Variants in MIER1 observed in about 807,000 individuals in gnomAD.
MIER1 encodes the protein mesoderm induction early response protein 1.
In MIER1, 40 loss-of-function variants were observed where a neutral mutation model predicts 75.7. The ratio of observed to expected loss-of-function variants is 0.53; its 90% confidence interval spans 0.41 to 0.69. MIER1 has a LOEUF of 0.69. Ranked by LOEUF, MIER1 falls within the 30% of genes least tolerant of loss-of-function variation. The pLI is 0.00. For missense variants in MIER1, 574 were observed against 680.2 expected (o/e 0.84, Z 1.74); for synonymous variants, 213 against 223.4 (o/e 0.95, Z 0.42).
intron 4 of MIER1, among the ~76,000 whole-genome samples, chr1:66,949,489 A>G (rs1658425858): frequency 6.6e-6 from 1 of 152,216 alleles, no homozygotes; most frequent in South Asian, 2.1e-4. Flanking sequence ...AAAAAAAGAC[A>G]GTTGAACCAA....
chr1:66,950,651 ATAAT>A (rs1470836667), intron 4 of MIER1, among the ~76,000 whole-genome samples: 4 of 151,726 alleles, frequency 2.6e-5, no homozygotes, highest in African/African-American at 7.2e-5. Context: ...GAGCTAGAGA[ATAAT>A]TAAAATGTGT....
chr1:66,957,120 CAT>C (rs1318866725), intron 4 of MIER1, among the ~76,000 whole-genome samples: 20 of 152,144 alleles, frequency 1.3e-4, no homozygotes, highest in Admixed American at 1.3e-3. Flanking sequence ...AATATGTTCA[CAT>C]GATTTGGATT....
chr1:66,957,100 A>C (rs1660291835), intron 4 of MIER1, among the ~76,000 whole-genome samples: 1 of 152,146 alleles, frequency 6.6e-6, no homozygotes, highest in Non-Finnish European at 1.5e-5. Flanking sequence ...GTGGGTGTGC[A>C]TGAGTGTATA....
intron 8 of MIER1, among the ~76,000 whole-genome samples, chr1:66,964,207 G>A (rs1661859620): frequency 6.6e-6 from 1 of 150,846 alleles, no homozygotes; most frequent in Non-Finnish European, 1.5e-5. Flanking sequence ...GAGTAGCTGG[G>A]ATTACAGGTG....
chr1:66,954,304 C>T lies in MIER1; in HGVS notation c.340-3755C>T, dbSNP rs145258882. Reference sequence around the variant, plus strand: ...CCAGAGTGTCAGTAACTATTCAGTACGCTCAAATTGAGTCAGGAGTATAAC... The same window carrying T: ...CCAGAGTGTCAGTAACTATTCAGTATGCTCAAATTGAGTCAGGAGTATAAC... On this transcript the variant is annotated intron_variant, in intron 4 of 13. Coordinates refer to ENST00000401041, the MANE Select transcript of MIER1 (RefSeq NM_001077700.3). Among the ~76,000 whole-genome samples, 9 of 152,264 alleles carry T rather than the reference C, an allele frequency of 5.9e-5. No individual in the cohort carries two copies. The East Asian group carries it at 1.5e-3, about 26-fold the overall frequency.
chr1:66,974,763 T>C (rs557709102), intron 11 of MIER1, among the ~76,000 whole-genome samples: 1 of 152,286 alleles, frequency 6.6e-6, no homozygotes, highest in East Asian at 1.9e-4. Flanking sequence ...AGGACAGTAA[T>C]TCTTTAAAAG....
rs969221724 is a variant in MIER1 at position 66,988,316 on chromosome 1, C to T, written c.*3416C>T. 3 of 152,170 alleles carry T rather than the reference C, an allele frequency of 2.0e-5. No homozygotes were observed. Among genetic ancestry groups the T allele is most frequent in the African/African-American group, 7.2e-5 (3 of 41,404 alleles). The allele number at this position is 152,170 out of a possible 1,614,324, so 9.4% of individuals were successfully genotyped here. The stretch of plus-strand genomic sequence containing the variant: ...TAATTCTACTGATACAACTTTTTAC[C>T]GTAAAAATTAACTCTCTTCTTTAAT... On this transcript the variant is annotated 3_prime_UTR_variant, in exon 14 of 14. Coordinates refer to ENST00000401041, the MANE Select transcript of MIER1 (RefSeq NM_001077700.3).
chr1:66,982,655 A>G (rs979745872), intron 13 of MIER1, among the ~76,000 whole-genome samples: 1 of 152,224 alleles, frequency 6.6e-6, no homozygotes, highest in Non-Finnish European at 1.5e-5. Flanking sequence ...ATAGGAGAGT[A>G]CCAGTGAAGA....
intron 8 of MIER1, among the ~76,000 whole-genome samples, chr1:66,969,288 G>T (rs1486239838): frequency 6.6e-6 from 1 of 152,014 alleles, no homozygotes; most frequent in African/African-American, 2.4e-5. Context: ...GCTCACACCT[G>T]TAATCCCAGC....
intron 2 of MIER1, among the ~76,000 whole-genome samples, 160 bp downstream of exon 2, chr1:66,926,402 A>G (rs893164006): frequency 6.6e-6 from 1 of 152,238 alleles, no homozygotes; most frequent in Non-Finnish European, 1.5e-5. Context: ...TCATCAATGT[A>G]AAAACCATAA....
intron 4 of MIER1, chr1:66,947,939 G>T: frequency 1.0e-6 from 1 of 985,402 alleles, no homozygotes; most frequent in Non-Finnish European, 1.2e-6. Flanking sequence ...TGGGTTCGGT[G>T]TTGCCTCCTC....
chr1:66,984,950 A>G lies in MIER1; in HGVS notation c.*50A>G, dbSNP rs1224946128. ...TGGAGTAAATTCTGGTGTGACTAAA[A>G]TTTTCAGGGTTGATGGGTTACCTTA... On this transcript the variant is annotated 3_prime_UTR_variant, in exon 14 of 14. Transcript: ENST00000401041. The G allele has an allele frequency of 1.3e-6, 2 of 1,517,696 alleles. No homozygotes were observed. The highest frequency in any genetic ancestry group is 1.8e-6 in the Non-Finnish European group (2 of 1,138,014). The allele number at this position is 1,517,696 out of a possible 1,614,324, so 94.0% of individuals were successfully genotyped here. A position where few individuals can be genotyped will look rare whatever the true frequency, so the allele number is the denominator to read the frequency against.
chr1:66,925,379 G>C lies in MIER1; in HGVS notation c.67+284G>C, dbSNP rs1054134544. On this transcript the variant is annotated intron_variant, in intron 1 of 13. Coordinates refer to ENST00000401041, the MANE Select transcript of MIER1 (RefSeq NM_001077700.3). ...TGGCGCCGCGCTGGGAATCCGCTGC[G>C]GAGTGAGTTCGCCTCGCCCCGTTCG... 6.1e-6 allele frequency: 6 copies of C among 985,330 alleles called. No homozygotes were observed. In the African/African-American group the frequency reaches 1.0e-4, roughly 17 times the overall value. 61.0% of individuals were successfully genotyped at this position (985,330 alleles called of 1,614,324 possible).
At chr1:66,934,712 C>G (rs1444148722) in intron 2 of MIER1, among the ~76,000 whole-genome samples, 1 of 151,864 alleles carries the variant, frequency 6.6e-6, no homozygotes, top group African/African-American at 2.4e-5. Context: ...TCTATGATAT[C>G]ATTTTACTTC....
At chr1:66,978,196 CAA>C (rs536021584) in intron 12 of MIER1, among the ~76,000 whole-genome samples, 37 of 91,256 alleles carry the variant, frequency 4.1e-4, no homozygotes, top group Admixed American at 7.7e-4. Context: ...ACTCCATCTC[CAA>C]AAAAAAAAAA....
At chr1:66,930,315 G>T in intron 2 of MIER1, 3 of 1,587,714 alleles carry the variant, frequency 1.9e-6, no homozygotes, top group Non-Finnish European at 2.6e-6. Flanking sequence ...GAGTCCCGTT[G>T]CTGAGTCTCA....
chr1:66,942,612 G>A (rs917135982), intron 3 of MIER1, among the ~76,000 whole-genome samples: 1 of 151,440 alleles, frequency 6.6e-6, no homozygotes, highest in Non-Finnish European at 1.5e-5. Context: ...TTTTTTCCTA[G>A]GAGACAGCCT....
chr1:66,940,417 G>A (rs1359051093), intron 3 of MIER1, among the ~76,000 whole-genome samples: 1 of 151,386 alleles, frequency 6.6e-6, no homozygotes, highest in African/African-American at 2.4e-5. Context: ...GGATTTCAAA[G>A]TATTTTTATT....
At chr1:66,969,658 CTT>C (rs777481634) in intron 8 of MIER1, among the ~76,000 whole-genome samples, 8 of 143,814 alleles carry the variant, frequency 5.6e-5, no homozygotes, top group Non-Finnish European at 1.1e-4. Flanking sequence ...GTTAGTTATT[CTT>C]TGTCTCTTAA....
Sources: allele counts gnomAD v4.1 joint callset (sites outside exome capture counted in the v4.1 genomes callset), GRCh38; gene constraint gnomAD v4.1.1; transcripts MANE v1.5; gene names NCBI Gene and HGNC (gene_info 2026-07-23, HGNC 2026-07-21).